The following PTPRM variants were observed in gnomAD, a reference collection of about 807,000 sequenced individuals.
PTPRM encodes the protein receptor-type tyrosine-protein phosphatase mu.
Under a neutral mutation model 186.7 loss-of-function variants are expected in PTPRM, and 47 were observed. That is an observed-to-expected ratio of 0.25 (90% CI 0.20 to 0.32). The LOEUF (loss-of-function observed/expected upper bound fraction) is 0.32, where lower values mean the gene tolerates loss of function less well. Ranked by LOEUF, PTPRM falls within the 10% of genes least tolerant of loss-of-function variation. The probability of loss-of-function intolerance (pLI) is 1.00; values close to 1 mark genes in which losing one functional copy is unlikely to be tolerated. For synonymous variants in PTPRM, 668 were observed against 674.9 expected, an observed-to-expected ratio of 0.99 and a Z score of 0.16; for missense variants, 1,494 against 1,865.0, an observed-to-expected ratio of 0.80 and a Z score of 3.66.
At chr18:8,252,755 A>C (rs1033863329) in intron 18 of PTPRM, among the ~76,000 whole-genome samples, 1 of 152,200 alleles carries the variant, frequency 6.6e-6, no homozygotes, top group Admixed American at 6.5e-5. Flanking sequence ...CTTTGATTTC[A>C]TGTATTAAGT....
chr18:8,369,290 A>T (rs2095650262), intron 23 of PTPRM, among the ~76,000 whole-genome samples: 1 of 152,242 alleles, frequency 6.6e-6, no homozygotes, highest in African/African-American at 2.4e-5. Flanking sequence ...AGTTTCAGAA[A>T]GTAGTTAGAA....
At chr18:7,653,736 A>C (rs544634116) in intron 1 of PTPRM, among the ~76,000 whole-genome samples, 10 of 152,226 alleles carry the variant, frequency 6.6e-5, no homozygotes, top group African/African-American at 2.2e-4. Flanking sequence ...ATTTATGTTG[A>C]TTCCATGTCC....
intron 2 of PTPRM, among the ~76,000 whole-genome samples, chr18:7,864,061 A>G (rs1484629298): frequency 6.6e-6 from 1 of 151,988 alleles, no homozygotes; most frequent in Non-Finnish European, 1.5e-5. Flanking sequence ...TTTTCTTGTA[A>G]ATTTGTTTAA....
rs190544257 is a variant in PTPRM at position 7,959,037 on chromosome 18, C to A, written c.1132+3623C>A. Among the ~76,000 whole-genome samples the A allele has an allele frequency of 8.5e-5, 13 of 152,258 alleles. No individual in the cohort carries two copies. The East Asian group carries it at 1.7e-3, about 20-fold the overall frequency. On this transcript the variant is annotated intron_variant, in intron 7 of 32. Coordinates refer to ENST00000580170, the MANE Select transcript of PTPRM (RefSeq NM_001105244.2). Reference sequence around the variant, plus strand: ...CATAGGACTAGAGAAAAACTGCTAACCCTCTCTGGGCCTGAGTTGCCTTAT... The same window carrying A: ...CATAGGACTAGAGAAAAACTGCTAAACCTCTCTGGGCCTGAGTTGCCTTAT...
intron 9 of PTPRM, among the ~76,000 whole-genome samples, chr18:8,080,396 A>G (rs927606648): frequency 2.0e-5 from 3 of 152,224 alleles, no homozygotes; most frequent in East Asian, 1.9e-4. Context: ...AGATATTGGA[A>G]AAAGACAAAA....
intron 13 of PTPRM, among the ~76,000 whole-genome samples, chr18:8,116,137 G>A (rs2091948495): frequency 6.6e-6 from 1 of 152,142 alleles, no homozygotes; most frequent in African/African-American, 2.4e-5. Context: ...GGACGATGAA[G>A]CCCTTGAACC....
At chr18:7,656,356 A>G (rs9946038) in intron 1 of PTPRM, among the ~76,000 whole-genome samples, 6,839 of 152,248 alleles carry the variant, frequency 0.045, 517 homozygotes, top group African/African-American at 0.16. Context: ...TTTATCAGGC[A>G]TCAAGAGTAG....
intron 4 of PTPRM, among the ~76,000 whole-genome samples, chr18:7,909,133 G>T (rs10502365): frequency 0.26 from 39,998 of 152,114 alleles, 5,657 homozygotes; most frequent in East Asian, 0.44. Context: ...GCCAGCATAA[G>T]AGCTCCTGAA....
chr18:8,293,583 G>C (rs2095063520), intron 19 of PTPRM, among the ~76,000 whole-genome samples: 1 of 152,248 alleles, frequency 6.6e-6, no homozygotes, highest in Non-Finnish European at 1.5e-5. Flanking sequence ...GCAGAGGGAA[G>C]TGAAATTGGT....
In PTPRM at chr18:8,253,258, C is replaced by A; in HGVS notation, c.2598C>A (p.Ser866Arg). 2 of 1,547,670 alleles carry A rather than the reference C, an allele frequency of 1.3e-6. No individual in the cohort carries two copies. The highest frequency in any genetic ancestry group is 1.2e-5 in the South Asian group (1 of 81,742). ...CCCACACAATGGCCAGCGATACCAG[C>A]AGCCTGGTGCAGTCCCATACTTACA... ...DETHTMASDT[S>R]SLVQSHTYKK... The change falls in exon 19 of 33, where the codon AGC (serine) becomes AGA (arginine). Residue 866 changes from serine to arginine, a missense_variant. Around this residue, in one of 3 missense-constraint regions of PTPRM, gnomAD observed 1,107 missense variants for 1,350.2 expected, o/e 0.82. Transcript: ENST00000580170.
chr18:7,972,274 A>T (rs1315185598), intron 7 of PTPRM, among the ~76,000 whole-genome samples: 12 of 125,332 alleles, frequency 9.6e-5, no homozygotes, highest in Admixed American at 1.5e-4. Context: ...GATCACATGG[A>T]CACAGGAAGG....
intron 1 of PTPRM, among the ~76,000 whole-genome samples, chr18:7,601,915 G>A (rs2037412693): frequency 6.6e-6 from 1 of 152,092 alleles, no homozygotes; most frequent in African/African-American, 2.4e-5. Flanking sequence ...TCATATTTAG[G>A]GGAGAGAGAA....
At chr18:7,642,794 C>T (rs1279523677) in intron 1 of PTPRM, among the ~76,000 whole-genome samples, 3 of 146,054 alleles carry the variant, frequency 2.1e-5, no homozygotes, top group Non-Finnish European at 3.0e-5. Flanking sequence ...GCCACATCAA[C>T]CTGAATGTAT....
intron 19 of PTPRM, among the ~76,000 whole-genome samples, chr18:8,295,043 A>G (rs2095081086): frequency 1.3e-5 from 2 of 152,230 alleles, no homozygotes; most frequent in Non-Finnish European, 2.9e-5. Context: ...GATTCCAAAC[A>G]TAAATGATGA....
intron 5 of PTPRM, among the ~76,000 whole-genome samples, chr18:7,935,052 A>G (rs1442070543): frequency 1.3e-5 from 2 of 152,210 alleles, no homozygotes; most frequent in African/African-American, 4.8e-5. Flanking sequence ...AAAAAATCAC[A>G]ACTGTATTTC....
chr18:8,384,587 C>T lies in PTPRM; in HGVS notation c.3945C>T (p.Asn1315=), dbSNP rs377221377. The part of the protein sequence containing the change: ...AQLCPQYWPE[N]GVHRHGPIQV... ...TGTGTCCACAGTACTGGCCAGAAAA[C>T]GGAGTACACAGACACGGCCCCATCC... Residue 1315 remains asparagine, a synonymous_variant, in exon 30 of 33, where the codon AAC becomes AAT. Coordinates refer to ENST00000580170, the MANE Select transcript of PTPRM (RefSeq NM_001105244.2). 3.8e-5 allele frequency: 61 copies of T among 1,613,972 alleles called. No homozygotes were observed. The highest frequency in any genetic ancestry group is 2.1e-4 in the African/African-American group (16 of 74,884).
At chr18:8,174,983 A>G (rs2093460664) in intron 14 of PTPRM, among the ~76,000 whole-genome samples, 1 of 152,254 alleles carries the variant, frequency 6.6e-6, no homozygotes, top group South Asian at 2.1e-4. Flanking sequence ...TAGCATGGCC[A>G]GTTGCTGCCA....
chr18:8,331,291 T>C (rs2095410943), intron 22 of PTPRM, among the ~76,000 whole-genome samples: 2 of 152,260 alleles, frequency 1.3e-5, no homozygotes, highest in South Asian at 4.1e-4. Context: ...CAAGTCATGC[T>C]AGGCTACAAA....
chr18:7,628,107 T>A (rs2144046234), intron 1 of PTPRM, among the ~76,000 whole-genome samples: 1 of 152,250 alleles, frequency 6.6e-6, no homozygotes, highest in East Asian at 1.9e-4. Flanking sequence ...GAGCCGAGAT[T>A]GCACCACTGA....
Sources: allele counts gnomAD v4.1 joint callset (sites outside exome capture counted in the v4.1 genomes callset), GRCh38; gene constraint gnomAD v4.1.1; regional missense constraint gnomAD v4.1.1; transcripts MANE v1.5; gene names NCBI Gene and HGNC (gene_info 2026-07-23, HGNC 2026-07-21).